The following EXD3 variants were observed in gnomAD, a reference collection of about 807,000 sequenced individuals.
EXD3 encodes exonuclease mut-7 homolog.
Under a neutral mutation model 98.0 loss-of-function variants are expected in EXD3, and 92 were observed. The observed-to-expected ratio is 0.94, with a 90% confidence interval of 0.79 to 1.12. The LOEUF (loss-of-function observed/expected upper bound fraction) is 1.12. Ranked by LOEUF, EXD3 falls within the 50% of genes most tolerant of loss-of-function variation. The probability of loss-of-function intolerance (pLI) is 0.00; values close to 1 mark genes in which losing one functional copy is unlikely to be tolerated. For synonymous variants in EXD3, 569 were observed against 526.0 expected (o/e 1.08, Z -1.12); for missense variants, 1,222 against 1,191.6 (o/e 1.03, Z -0.38).
At chr9:137,414,384 G>A (rs963488477) in intron 1 of EXD3, among the ~76,000 whole-genome samples, 3 of 152,196 alleles carry the variant, frequency 2.0e-5, no homozygotes, top group African/African-American at 7.2e-5. Context: ...GCACCCCCTT[G>A]TCTGGCTGTT....
At chr9:137,406,433 G>A (rs949161330) in intron 1 of EXD3, among the ~76,000 whole-genome samples, 1 of 152,160 alleles carries the variant, frequency 6.6e-6, no homozygotes, top group African/African-American at 2.4e-5. Context: ...TGAGCCTCGT[G>A]ACACCCCCAT....
intron 1 of EXD3, among the ~76,000 whole-genome samples, chr9:137,421,770 C>T (rs1224218125): frequency 1.3e-5 from 2 of 152,158 alleles, no homozygotes; most frequent in Non-Finnish European, 2.9e-5. Flanking sequence ...CCCAAGAGTT[C>T]AAGGCTGCGA....
intron 17 of EXD3, among the ~76,000 whole-genome samples, chr9:137,328,146 CGACATGATGAGTAAAAACAACTAATATA>C (rs1832582471): frequency 6.9e-6 from 1 of 144,118 alleles, no homozygotes; most frequent in Non-Finnish European, 1.5e-5. Flanking sequence ...GAATAAACAC[CGACATGATGAGTAAAAACAACTAATATA>C]CACCAATATG....
chr9:137,307,316 C>A, intron 21 of EXD3, 53 bp from the exon 22 acceptor site: 1 of 1,444,468 alleles, frequency 6.9e-7, no homozygotes, highest in Non-Finnish European at 9.1e-7. Flanking sequence ...GCACGGCCCC[C>A]AGGCTGCTCC....
intron 5 of EXD3, among the ~76,000 whole-genome samples, chr9:137,372,506 G>A (rs1835678138): frequency 6.6e-6 from 1 of 152,242 alleles, no homozygotes; most frequent in South Asian, 2.1e-4. Flanking sequence ...CACCCACAAA[G>A]GACAGCCTAC....
chr9:137,357,086 TCCCAGAACTGCTGTTGAGAC>T (rs1028879490), intron 7 of EXD3, among the ~76,000 whole-genome samples: 2 of 152,218 alleles, frequency 1.3e-5, no homozygotes, highest in African/African-American at 4.8e-5. Flanking sequence ...CAGGCTTGGC[TCCCAGAACTGCTGTTGAGAC>T]CCCAGAACCC....
chr9:137,352,491 G>A (rs1010951763), intron 11 of EXD3, 129 bp downstream of exon 11: 11 of 1,022,908 alleles, frequency 1.1e-5, no homozygotes, highest in South Asian at 1.7e-5. Flanking sequence ...GTATAGCTGC[G>A]CTCTTTGTTT....
rs747938741 is a variant in EXD3 at position 137,352,155 on chromosome 9, G to C, written c.1084C>G (p.Arg362Gly). Reference sequence around the variant, plus strand: ...CTGGGGATGGGCAGCTGGTAGTAACGGTCCTTCATGTCCTTCACCTCCAGC... The same window carrying C: ...CTGGGGATGGGCAGCTGGTAGTAACCGTCCTTCATGTCCTTCACCTCCAGC... Reference protein sequence around the residue: ...SRLEVKDMKDRYYQLPIPREN... With the variant: ...SRLEVKDMKDGYYQLPIPREN... Residue 362 changes from arginine (R) to glycine (G), a missense_variant, in exon 12 of 22, where the codon CGT (arginine) becomes GGT (glycine). By Grantham distance (125) the Arg-to-Gly change is moderately radical (BLOSUM62 -2). Coordinates refer to ENST00000340951, the MANE Select transcript of EXD3 (RefSeq NM_017820.5). The C allele has an allele frequency of 3.1e-6, 5 of 1,612,874 alleles. No individual in the cohort carries two copies. In the South Asian group the frequency reaches 5.5e-5, roughly 18 times the overall value.
At position 137,307,197 on chromosome 9, in the gene EXD3, G is replaced by A; in HGVS notation, c.2384C>T (p.Ala795Val). 2 of 1,583,552 alleles carry A rather than the reference G, an allele frequency of 1.3e-6. No individual in the cohort carries two copies. Among genetic ancestry groups the A allele is most frequent in the Non-Finnish European group, 1.7e-6 (2 of 1,166,080 alleles). The change falls in exon 22 of 22, where the codon GCT (alanine) becomes GTT (valine). Residue 795 changes from alanine (A) to valine (V), a missense_variant. By Grantham distance (64) the Ala-to-Val change is moderately conservative. Transcript: ENST00000340951. ...YDRPCRWLQMADLRAETPDML... is the reference protein window; with the variant it reads ...YDRPCRWLQMVDLRAETPDML... The stretch of plus-strand genomic sequence containing the variant: ...GTCCGGTGTCTCCGCCCGCAGGTCA[G>A]CCATCTGCAGCCAGCGGCAGGGGCG...
intron 9 of EXD3, 139 bp from the exon 10 acceptor site, chr9:137,354,516 C>T: frequency 6.5e-7 from 1 of 1,541,352 alleles, no homozygotes; most frequent in Non-Finnish European, 8.7e-7. Flanking sequence ...TGCCACAGCC[C>T]AGAGCCAGGG....
intron 17 of EXD3, among the ~76,000 whole-genome samples, chr9:137,343,651 T>G (rs62586835): frequency 1.6e-5 from 2 of 126,074 alleles, no homozygotes; most frequent in Non-Finnish European, 3.2e-5. Flanking sequence ...TGCAGTGGCG[T>G]GATCTCGGCT....
chr9:137,383,177 A>G, intron 3 of EXD3, 136 bp downstream of exon 3: 2 of 687,664 alleles, frequency 2.9e-6, no homozygotes, highest in Non-Finnish European at 5.0e-6. Flanking sequence ...CTGGGGCAGC[A>G]GCTGTGCAGG....
At chr9:137,366,402 C>T (rs1835259618) in intron 7 of EXD3, 91 bp downstream of exon 7, 2 of 1,499,916 alleles carry the variant, frequency 1.3e-6, no homozygotes, top group African/African-American at 2.8e-5. Flanking sequence ...AGAGCTCTCC[C>T]ACGCGCCTGC....
At position 137,403,073 on chromosome 9, in the gene EXD3, G is replaced by GCCAAAGCATATCACC. The variant is rs1837542418; in HGVS notation, c.-47-7684_-47-7670dup. 6.6e-6 allele frequency among the ~76,000 whole-genome samples: 1 copy of GCCAAAGCATATCACC among 152,106 alleles called. No individual in the cohort carries two copies. On this transcript the variant is annotated intron_variant, in intron 1 of 21. Coordinates refer to ENST00000340951, the MANE Select transcript of EXD3 (RefSeq NM_017820.5). The surrounding 1 kb of genome is among the most constrained non-coding windows in gnomAD (Gnocchi z 6.1). ...AAGTTGAGATGTGGGTGAGGACACA[G>GCCAAAGCATATCACC]CCAAAGCATATCACCCGCCACGGGA...
Position 137,307,103 on chromosome 9 carries a change from C to T in EXD3, c.2478G>A (p.Leu826=). ...AGCCCGTGCAGCAGTAGAAGCACCG[C>T]AGCCCAGGTGTCCTCAGCACACCCA... The part of the protein sequence containing the change: ...VPVGVLRTPG[L]RCFYCCTGCG... The change falls in exon 22 of 22, where the codon CTG becomes CTA. Residue 826 remains leucine (L), a synonymous_variant. Coordinates refer to ENST00000340951, the MANE Select transcript of EXD3 (RefSeq NM_017820.5). 6.2e-7 allele frequency: 1 copy of T among 1,609,362 alleles called. No homozygotes were observed. The highest frequency in any genetic ancestry group is 8.5e-7 in the Non-Finnish European group (1 of 1,178,542).
intron 5 of EXD3, among the ~76,000 whole-genome samples, chr9:137,368,730 C>T (rs551358596): frequency 6.6e-6 from 1 of 152,216 alleles, no homozygotes; most frequent in Non-Finnish European, 1.5e-5. Flanking sequence ...AGCCCCGGTG[C>T]GCAGGGTGGG....
chr9:137,411,219 G>A (rs1837981878), intron 1 of EXD3, among the ~76,000 whole-genome samples: 2 of 152,306 alleles, frequency 1.3e-5, no homozygotes, highest in South Asian at 2.1e-4. Context: ...GGCGTGGGAG[G>A]GGCACGCACG....
chr9:137,374,616 G>A, intron 3 of EXD3: 1 of 985,500 alleles, frequency 1.0e-6, no homozygotes, highest in Non-Finnish European at 1.2e-6. Flanking sequence ...ACGCACATGA[G>A]TGTGTGAGGA....
In EXD3 at chr9:137,358,576, G is replaced by A. The variant is rs558142034; in HGVS notation, c.657-2208C>T. On this transcript the variant is annotated intron_variant, in intron 7 of 21. Transcript: ENST00000340951. Reference sequence around the variant, plus strand: ...ATCTGTCTTCCGGGTTCCAGCTCCCGTCTCCCCTCTTATTCTCTTGAAATT... The same window carrying A: ...ATCTGTCTTCCGGGTTCCAGCTCCCATCTCCCCTCTTATTCTCTTGAAATT... Among the ~76,000 whole-genome samples the A allele has an allele frequency of 3.9e-4, 60 of 152,244 alleles. 1 individual carries two copies. The South Asian group carries it at 6.7e-3, about 17-fold the overall frequency.
Sources: gnomAD v4.1 joint callset for allele counts (sites outside exome capture counted in the v4.1 genomes callset) on GRCh38, gnomAD v4.1.1 for gene constraint, Gnocchi (gnomAD v3.1) non-coding constraint, MANE v1.5 for transcripts, NCBI Gene and HGNC (gene_info 2026-07-23, HGNC 2026-07-21) for gene names.